Variants in MCM8 observed in about 807,000 individuals in gnomAD.
MCM8 encodes DNA helicase MCM8.
Under a neutral mutation model 98.9 loss-of-function variants are expected in MCM8, and 85 were observed. The observed-to-expected ratio is 0.86, with a 90% CI of 0.72 to 1.03. The LOEUF (loss-of-function observed/expected upper bound fraction) is 1.03, where lower values mean the gene tolerates loss of function less well. Ranked by LOEUF, MCM8 falls within the 50% of genes least tolerant of loss-of-function variation. The pLI, the probability that MCM8 is intolerant of heterozygous loss-of-function variation, is 0.00. For synonymous variants in MCM8, 352 were observed against 338.6 expected (o/e 1.04, Z -0.44); for missense variants, 951 against 997.8 (o/e 0.95, Z 0.63).
At position 5,987,280 on chromosome 20, in the gene MCM8, A is replaced by C. The variant is rs746463558; in HGVS notation, c.2164-2A>C. 14 of 1,612,056 alleles carry C rather than the reference A, an allele frequency of 8.7e-6. No homozygotes were observed. Among genetic ancestry groups the C allele is most frequent in the Admixed American group, 3.4e-5 (2 of 59,620 alleles). On this transcript the variant is annotated splice_acceptor_variant, in intron 16 of 18. Transcript: ENST00000610722. LOFTEE classifies it high-confidence loss of function. ...ATCTGAAAATGGTGTTTTCTTTTAAAGGCACGAGCAAGGTTGGAATTGAGA... is the reference window on the plus strand; with the variant it reads ...ATCTGAAAATGGTGTTTTCTTTTAACGGCACGAGCAAGGTTGGAATTGAGA...
intron 13 of MCM8, 131 bp downstream of exon 13, chr20:5,978,148 T>G (rs1417163350): frequency 5.2e-6 from 5 of 962,520 alleles, no homozygotes; most frequent in South Asian, 5.2e-5. Context: ...AAGTTGACAC[T>G]GTCAGAAATA....
intron 4 of MCM8, 36 bp from the exon 5 acceptor site, chr20:5,955,066 A>T (rs769341280): frequency 2.0e-6 from 3 of 1,471,564 alleles, no homozygotes; most frequent in Admixed American, 1.8e-5. Flanking sequence ...GACTACAGAA[A>T]AGCAATTATT....
chr20:5,953,458 TG>T, intron 3 of MCM8, among the ~76,000 whole-genome samples: 1 of 151,678 alleles, frequency 6.6e-6, no homozygotes, highest in Admixed American at 6.6e-5. Context: ...TGTGTGTGTG[TG>T]TGTGTGTGTG....
At chr20:5,951,331 C>T (rs553323571) in intron 1 of MCM8, among the ~76,000 whole-genome samples, 103 of 152,326 alleles carry the variant, frequency 6.8e-4, no homozygotes, top group African/African-American at 2.3e-3. Context: ...GGAGCCCTGT[C>T]ATGCCGTTAA....
chr20:5,960,822 C>T (rs537796074), intron 7 of MCM8, among the ~76,000 whole-genome samples: 1 of 152,288 alleles, frequency 6.6e-6, no homozygotes, highest in South Asian at 2.1e-4. Flanking sequence ...GTAATCCAAG[C>T]TACTCGGGAG....
rs2122858058 is a variant in MCM8 at position 5,994,546 on chromosome 20, A to G, written c.*155A>G. 1 of 573,964 alleles carries G rather than the reference A, an allele frequency of 1.7e-6. No individual in the cohort carries two copies. The highest frequency in any genetic ancestry group is 1.9e-5 in the African/African-American group (1 of 52,756). 35.6% of individuals were successfully genotyped at this position (573,964 alleles called of 1,614,324 possible). A position where few individuals can be genotyped will look rare whatever the true frequency, so the allele number is the denominator to read the frequency against. ...ACAGTCAAATACTGTTCTCTGAAAA[A>G]TGATGTCCCAAAAGTATTATAATAG... is the stretch of plus-strand genomic sequence containing the variant. On this transcript the variant is annotated 3_prime_UTR_variant, in exon 19 of 19. Transcript: ENST00000610722.
intron 17 of MCM8, among the ~76,000 whole-genome samples, chr20:5,989,589 A>G (rs537358903): frequency 6.6e-6 from 1 of 152,302 alleles, no homozygotes; most frequent in Non-Finnish European, 1.5e-5. Context: ...CTCTCCATCT[A>G]AATTGTGCAG....
In MCM8 at chr20:5,963,280, G is replaced by GTTCATT; in HGVS notation, c.797_798insTCATTT (p.Val266_Pro267insHisLeu). On this transcript the variant is annotated inframe_insertion, in exon 8 of 19. Transcript: ENST00000610722. ...TTACTTTTGTTTCATTCAGTGTCCTGTGCCTGTGTGTCGAGGCAGGTCATT... is the reference window on the plus strand; with the variant it reads ...TTACTTTTGTTTCATTCAGTGTCCTGTTCATTTGCCTGTGTGTCGAGGCAGGTCATT... The GTTCATT allele has an allele frequency of 6.2e-7, 1 of 1,612,820 alleles. No individual in the cohort carries two copies. The highest frequency in any genetic ancestry group is 8.5e-7 in the Non-Finnish European group (1 of 1,178,866).
rs542709126 is a variant in MCM8 at position 5,954,793 on chromosome 20, G to T, written c.336+103G>T. On this transcript the variant is annotated intron_variant, in intron 4 of 18. Transcript: ENST00000610722. ...TAGGCACTGGAGTCAGACTTCCTTG[G>T]TTCAGACCTCAGTTCTGCCACTTAC... is the stretch of plus-strand genomic sequence containing the variant. The T allele has an allele frequency of 8.7e-4, 617 of 705,168 alleles. 3 individuals carry two copies. Among genetic ancestry groups the T allele is most frequent in the Middle Eastern group, 9.7e-4 (4 of 4,144 alleles). 43.7% of individuals were successfully genotyped at this position (705,168 alleles called of 1,614,324 possible).
At chr20:5,984,404 T>C (rs2089688993) in intron 14 of MCM8, among the ~76,000 whole-genome samples, 1 of 152,178 alleles carries the variant, frequency 6.6e-6, no homozygotes, top group Non-Finnish European at 1.5e-5. Context: ...GAAAGATCTA[T>C]TGAACAAAAA....
intron 6 of MCM8, 98 bp from the exon 7 acceptor site, chr20:5,958,430 T>C: frequency 1.2e-6 from 1 of 841,572 alleles, no homozygotes. Context: ...ATCGAAGGGA[T>C]GATTTGATTT....
chr20:5,972,350 C>T (rs1214531635), intron 11 of MCM8, among the ~76,000 whole-genome samples: 1 of 151,820 alleles, frequency 6.6e-6, no homozygotes, highest in Non-Finnish European at 1.5e-5. Flanking sequence ...GAACTACAGG[C>T]ATGCACCACC....
chr20:5,972,547 C>T (rs1190067997), intron 11 of MCM8: 8 of 324,484 alleles, frequency 2.5e-5, no homozygotes, highest in South Asian at 1.9e-4. Context: ...TATGAATGGG[C>T]TTTTATTTTA....
intron 12 of MCM8, among the ~76,000 whole-genome samples, chr20:5,975,135 T>A (rs2089481555): frequency 6.6e-6 from 1 of 152,146 alleles, no homozygotes; most frequent in Non-Finnish European, 1.5e-5. Context: ...GGCGCACACC[T>A]GTAGTCCCTG....
chr20:5,984,666 A>G (rs1368588040), intron 14 of MCM8, 115 bp from the exon 15 acceptor site: 1 of 747,486 alleles, frequency 1.3e-6, no homozygotes. Flanking sequence ...TTTAACCTAA[A>G]TCTTGGTTTT....
chr20:5,994,478 G>GACAGACACACAC lies in MCM8; in HGVS notation c.*90_*91insGACACACACACA, dbSNP rs1555791183. ...ATATGCGTGCACGCACAGACAGACA[G>GACAGACACACAC]ACACACACACACACACACACACACA... On this transcript the variant is annotated 3_prime_UTR_variant, in exon 19 of 19. Coordinates refer to ENST00000610722, the MANE Select transcript of MCM8 (RefSeq NM_032485.6). The GACAGACACACAC allele has an allele frequency of 4.4e-5, 17 of 384,456 alleles. No individual in the cohort carries two copies. The highest frequency in any genetic ancestry group is 3.7e-4 in the African/African-American group (16 of 43,268). 23.8% of individuals were successfully genotyped at this position (384,456 alleles called of 1,614,324 possible).
intron 14 of MCM8, among the ~76,000 whole-genome samples, chr20:5,983,366 C>T (rs1229914605): frequency 6.6e-6 from 1 of 152,144 alleles, no homozygotes; most frequent in East Asian, 1.9e-4. Flanking sequence ...GATTGGCAAA[C>T]ATTTTAAATA....
At chr20:5,959,640 C>T (rs540565179) in intron 7 of MCM8, among the ~76,000 whole-genome samples, 1 of 147,780 alleles carries the variant, frequency 6.8e-6, no homozygotes, top group South Asian at 2.2e-4. Context: ...CTGCAGAGAA[C>T]ATTCTTGTAC....
At chr20:5,957,481 T>G (rs2089018043) in intron 6 of MCM8, among the ~76,000 whole-genome samples, 1 of 152,244 alleles carries the variant, frequency 6.6e-6, no homozygotes, top group South Asian at 2.1e-4. Context: ...GTTTTGGATG[T>G]GAACTTATCA....
Sources: gnomAD v4.1 joint callset for allele counts (sites outside exome capture counted in the v4.1 genomes callset) on GRCh38, gnomAD v4.1.1 for gene constraint, MANE v1.5 for transcripts, NCBI Gene and HGNC (gene_info 2026-07-23, HGNC 2026-07-21) for gene names.